DOCK10: variants seen among roughly 807,000 people sequenced by gnomAD.
The protein encoded by DOCK10 is dedicator of cytokinesis protein 10.
Under a neutral mutation model 280.1 loss-of-function variants are expected in DOCK10, and 145 were observed. That is an observed-to-expected ratio of 0.52 (90% CI 0.45 to 0.59). The LOEUF is 0.59. Ranked by LOEUF, DOCK10 falls within the 20% of genes least tolerant of loss-of-function variation. The pLI is 0.00. For synonymous variants in DOCK10, 915 were observed against 942.2 expected (o/e 0.97, Z 0.53); for missense variants, 2,368 against 2,651.7 (o/e 0.89, Z 2.35).
intron 18 of DOCK10, among the ~76,000 whole-genome samples, chr2:224,850,518 A>G (rs929499408): frequency 2.6e-5 from 4 of 152,200 alleles, no homozygotes; most frequent in Non-Finnish European, 4.4e-5. Context: ...GCCTATGGGT[A>G]TCACCTGGAC....
At chr2:224,954,751 A>T (rs527660207) in intron 1 of DOCK10, among the ~76,000 whole-genome samples, 1 of 152,378 alleles carries the variant, frequency 6.6e-6, no homozygotes, top group East Asian at 1.9e-4. Context: ...TTACAAAGGC[A>T]TGCAGCTAAT....
chr2:224,878,457 C>T (rs1478289109), intron 7 of DOCK10, among the ~76,000 whole-genome samples: 3 of 152,234 alleles, frequency 2.0e-5, no homozygotes, highest in African/African-American at 7.2e-5. Flanking sequence ...ATCCCACCCA[C>T]TGAGCTGCCT....
At chr2:224,846,132 T>A (rs1251832021) in intron 19 of DOCK10, among the ~76,000 whole-genome samples, 1 of 152,272 alleles carries the variant, frequency 6.6e-6, no homozygotes, top group Non-Finnish European at 1.5e-5. Context: ...CACATGTTGA[T>A]ATTTTTACTT....
At chr2:224,955,972 T>A (rs1353465464) in intron 1 of DOCK10, among the ~76,000 whole-genome samples, 1 of 152,158 alleles carries the variant, frequency 6.6e-6, no homozygotes, top group African/African-American at 2.4e-5. Context: ...CAGGAATCAA[T>A]GATAAGAGAG....
intron 1 of DOCK10, among the ~76,000 whole-genome samples, chr2:224,937,615 A>G (rs1159052891): frequency 6.6e-6 from 1 of 152,138 alleles, no homozygotes; most frequent in Non-Finnish European, 1.5e-5. Context: ...TTCTCCTTCC[A>G]GAATCTCCTG....
chr2:224,868,625 G>A (rs11903344), intron 11 of DOCK10, among the ~76,000 whole-genome samples: 115 of 151,938 alleles, frequency 7.6e-4, no homozygotes, highest in Non-Finnish European at 1.0e-4. Flanking sequence ...TAGTTTATAC[G>A]GGGGGGACAA....
intron 1 of DOCK10, among the ~76,000 whole-genome samples, chr2:224,996,849 A>G (rs950901314): frequency 1.3e-5 from 2 of 152,186 alleles, no homozygotes; most frequent in Non-Finnish European, 2.9e-5. Flanking sequence ...GTATTGAGAC[A>G]AATATCTAGC....
At chr2:224,942,741 T>C (rs1196221614) in intron 1 of DOCK10, among the ~76,000 whole-genome samples, 5 of 152,244 alleles carry the variant, frequency 3.3e-5, no homozygotes, top group South Asian at 2.1e-4. Context: ...CCTCTACTTA[T>C]AGTTTTCATT....
In DOCK10 at chr2:225,030,654, T is replaced by G. The variant is rs1179399900; in HGVS notation, c.123+11598A>C. The stretch of plus-strand genomic sequence containing the variant: ...CTTAGCTGAATCTTATTTAAGAATA[T>G]AAATGCATGCCAATCAAGATTTTGT... On this transcript the variant is annotated intron_variant, in intron 1 of 55. Coordinates refer to ENST00000258390, the MANE Select transcript of DOCK10 (RefSeq NM_014689.3). Among the ~76,000 whole-genome samples, 5 of 152,218 alleles carry G rather than the reference T, an allele frequency of 3.3e-5. No homozygotes were observed. The East Asian group carries it at 7.7e-4, about 23-fold the overall frequency.
At chr2:224,934,251 T>C (rs1182469227) in intron 1 of DOCK10, among the ~76,000 whole-genome samples, 1 of 152,188 alleles carries the variant, frequency 6.6e-6, no homozygotes, top group Non-Finnish European at 1.5e-5. Flanking sequence ...TAATGAATGA[T>C]ATTTATTAGG....
Position 224,896,146 on chromosome 2 carries a change from G to A in DOCK10, c.416+149C>T, listed in dbSNP as rs569231740. ...GCAAACTACACATGTTGAACAAAAT[G>A]TCCTATCTTGACTCTTACTTATACA... On this transcript the variant is annotated intron_variant, in intron 4 of 55. Transcript: ENST00000258390. 12 of 460,430 alleles carry A rather than the reference G, an allele frequency of 2.6e-5. No individual in the cohort carries two copies. The South Asian group carries it at 6.0e-4, about 23-fold the overall frequency. 28.5% of individuals were successfully genotyped at this position (460,430 alleles called of 1,614,324 possible). A position where few individuals can be genotyped will look rare whatever the true frequency, so the allele number is the denominator to read the frequency against.
At chr2:224,775,182 C>T (rs1690749776) in intron 51 of DOCK10, 67 bp from the exon 52 acceptor site, 7 of 1,445,940 alleles carry the variant, frequency 4.8e-6, no homozygotes, top group Non-Finnish European at 9.7e-7. Flanking sequence ...GGGAAGCTCC[C>T]ATTCCCTCAG....
chr2:224,812,139 G>A (rs1161175376), intron 31 of DOCK10, among the ~76,000 whole-genome samples: 4 of 152,086 alleles, frequency 2.6e-5, no homozygotes, highest in Non-Finnish European at 5.9e-5. Flanking sequence ...TCTTCCATTT[G>A]TTTGTATCCT....
rs189272033 is a variant in DOCK10, at chr2:224,824,200, C to A, written c.3037-553G>T. On this transcript the variant is annotated intron_variant, in intron 27 of 55. Coordinates refer to ENST00000258390, the MANE Select transcript of DOCK10 (RefSeq NM_014689.3). ...TCCTCTGACATTTGGTGAGTCCCAG[C>A]TAGTTTTAACTCCCTGGTCCCAGTA... Among the ~76,000 whole-genome samples the A allele has an allele frequency of 3.5e-3, 540 of 152,236 alleles. 5 individuals are homozygous for A. The highest frequency in any genetic ancestry group is 5.7e-3 in the Non-Finnish European group (387 of 68,014).
chr2:224,936,086 T>G (rs906203109), intron 1 of DOCK10, among the ~76,000 whole-genome samples: 1 of 152,136 alleles, frequency 6.6e-6, no homozygotes, highest in Non-Finnish European at 1.5e-5. Flanking sequence ...GAACTGTGTA[T>G]GGTGGAGATA....
intron 28 of DOCK10, 66 bp from the exon 29 acceptor site, chr2:224,819,595 T>C: frequency 2.0e-6 from 2 of 997,972 alleles, no homozygotes; most frequent in Non-Finnish European, 1.5e-6. Flanking sequence ...TTTTAGAAAA[T>C]ATGATTAAAT....
chr2:224,852,987 A>G lies in DOCK10; in HGVS notation c.2024T>C (p.Ile675Thr). Residue 675 changes from isoleucine (I) to threonine (T), a missense_variant, in exon 17 of 56, where the codon ATT (isoleucine) becomes ACT (threonine). Physicochemically the swap from Ile to Thr is moderately conservative, Grantham distance 89. Around this residue, in one of 2 missense-constraint regions of DOCK10, gnomAD observed 1,209 missense variants for 1,250.9 expected, o/e 0.97. Transcript: ENST00000258390. The part of the protein sequence containing the change: ...CRPYRVYKNQ[I>T]YIYPKHLKYD... ...CTTGAGGTGTTTGGGGTAAATATAAATTTGATTTTTATATACTCTGTAAGG... is the reference window on the plus strand; with the variant it reads ...CTTGAGGTGTTTGGGGTAAATATAAGTTTGATTTTTATATACTCTGTAAGG... 1 of 1,610,358 alleles carries G rather than the reference A, an allele frequency of 6.2e-7. No homozygotes were observed. Among genetic ancestry groups the G allele is most frequent in the Non-Finnish European group, 8.5e-7 (1 of 1,177,706 alleles).
intron 14 of DOCK10, chr2:224,861,608 T>C (rs1418772785): frequency 6.6e-6 from 1 of 152,228 alleles, no homozygotes; most frequent in Non-Finnish European, 1.5e-5. Context: ...GAGTTTACTC[T>C]GAATATACAT....
Position 224,780,635 on chromosome 2 carries a change from T to C in DOCK10, c.5656-2351A>G, listed in dbSNP as rs560271444. ...TGTCATCATCGGCTGGGTGCGGTGG[T>C]TCACGCCTGCAATCCCAGCACTTTG... On this transcript the variant is annotated intron_variant, in intron 50 of 55. Coordinates refer to ENST00000258390, the MANE Select transcript of DOCK10 (RefSeq NM_014689.3). Among the ~76,000 whole-genome samples, 21 of 151,846 alleles carry C rather than the reference T, an allele frequency of 1.4e-4. No individual in the cohort carries two copies. In the South Asian group the frequency reaches 1.9e-3, roughly 14 times the overall value.
Sources: gnomAD v4.1 joint callset for allele counts (sites outside exome capture counted in the v4.1 genomes callset) on GRCh38, gnomAD v4.1.1 for gene constraint, gnomAD v4.1.1 regional missense constraint, MANE v1.5 for transcripts, NCBI Gene and HGNC (gene_info 2026-07-23, HGNC 2026-07-21) for gene names.